Variants in XPO7 observed in about 807,000 individuals in gnomAD.
XPO7 encodes the protein exportin 7, also known as exportin-7.
A neutral mutation model predicts 144.3 loss-of-function variants in XPO7; 21 were observed. That is an observed-to-expected ratio of 0.15 (90% CI 0.10 to 0.21). XPO7 has a LOEUF of 0.21. XPO7 is among the 10% of genes least tolerant of loss of function. The pLI is 1.00. For synonymous variants in XPO7, 580 were observed against 499.6 expected (o/e 1.16, Z -2.15); for missense variants, 808 against 1,325.8 (o/e 0.61, Z 6.06).
At chr8:21,988,873 G>A (rs1248960115) in intron 15 of XPO7, 130 bp from the exon 16 acceptor site, 2 of 717,892 alleles carry the variant, frequency 2.8e-6, no homozygotes, top group Non-Finnish European at 4.6e-6. Flanking sequence ...TTTTGTGGTC[G>A]TGATGTCTGT....
chr8:21,981,640 C>G, intron 9 of XPO7, 91 bp from the exon 10 acceptor site: 1 of 1,493,168 alleles, frequency 6.7e-7, no homozygotes, highest in Non-Finnish European at 9.2e-7. Flanking sequence ...GTAGATTCTA[C>G]CCCTTCCCCC....
intron 12 of XPO7, 138 bp from the exon 13 acceptor site, chr8:21,985,448 A>G: frequency 1.3e-6 from 1 of 785,890 alleles, no homozygotes; most frequent in Non-Finnish European, 2.1e-6. Flanking sequence ...ACCAAAGCAG[A>G]GAAGTAGCCA....
intron 1 of XPO7, among the ~76,000 whole-genome samples, chr8:21,959,589 A>T (rs1474279041): frequency 6.6e-6 from 1 of 152,148 alleles, no homozygotes; most frequent in South Asian, 2.1e-4. Flanking sequence ...CTACACTACA[A>T]TCACAAGGAT....
intron 1 of XPO7, among the ~76,000 whole-genome samples, chr8:21,926,778 A>C (rs1810472712): frequency 6.6e-6 from 1 of 152,146 alleles, no homozygotes; most frequent in African/African-American, 2.4e-5. Context: ...TCAGTTGAAA[A>C]AAAATCTAAA....
rs772680656 is a variant in XPO7, at chr8:21,994,458, T to G, written c.2237+7T>G. The G allele has an allele frequency of 2.5e-6, 4 of 1,608,082 alleles. No individual in the cohort carries two copies. In the African/African-American group the frequency reaches 5.3e-5, roughly 21 times the overall value. ...TGATGCTCTTTGAATGGATGTATCC[T>G]AACTCAAACTAGGAGCACACTACAG... On this transcript the variant is annotated splice_region_variant and intron_variant, in intron 20 of 27. Coordinates refer to ENST00000252512, the MANE Select transcript of XPO7 (RefSeq NM_015024.5).
chr8:21,928,929 A>T (rs62492074), intron 1 of XPO7, among the ~76,000 whole-genome samples: 20,977 of 152,208 alleles, frequency 0.14, 1,629 homozygotes, highest in African/African-American at 0.19. Context: ...TTTTGGCCTA[A>T]AATATTTACT....
chr8:21,969,503 G>C lies in XPO7; in HGVS notation c.186G>C (p.Leu62=). The change falls in exon 3 of 28, where the codon CTG becomes CTC. Residue 62 remains leucine, a synonymous_variant. Coordinates refer to ENST00000252512, the MANE Select transcript of XPO7 (RefSeq NM_015024.5). ...CACAGTCCTCTTACTCCCAGTTACT[G>C]GCAGCTACATGCCTTACCAAGCTTG... is the stretch of plus-strand genomic sequence containing the variant. ...ERGSSSYSQL[L]AATCLTKLVS... is the part of the protein sequence containing the mutation. 6.2e-7 allele frequency: 1 copy of C among 1,613,594 alleles called. No individual in the cohort carries two copies. Among genetic ancestry groups the C allele is most frequent in the African/African-American group, 1.3e-5 (1 of 74,986 alleles).
intron 1 of XPO7, among the ~76,000 whole-genome samples, chr8:21,936,559 G>A (rs1810828748): frequency 6.6e-6 from 1 of 152,170 alleles, no homozygotes; most frequent in African/African-American, 2.4e-5. Flanking sequence ...AATTTCCTAA[G>A]TATTTTTTTG....
chr8:21,996,675 AAT>A, intron 21 of XPO7, among the ~76,000 whole-genome samples: 1 of 152,330 alleles, frequency 6.6e-6, no homozygotes, highest in East Asian at 1.9e-4. Context: ...TTTTCAAAAC[AAT>A]TTAAGGACAG....
At chr8:21,927,867 T>C (rs905272345) in intron 1 of XPO7, among the ~76,000 whole-genome samples, 2 of 152,160 alleles carry the variant, frequency 1.3e-5, no homozygotes, top group Non-Finnish European at 2.9e-5. Context: ...TATCTATTCC[T>C]CCCATACCCG....
intron 1 of XPO7, among the ~76,000 whole-genome samples, chr8:21,947,549 A>G (rs1281186052): frequency 1.3e-5 from 2 of 152,196 alleles, no homozygotes; most frequent in African/African-American, 4.8e-5. Flanking sequence ...ACATAGACAC[A>G]CATCATACAC....
chr8:21,927,083 C>CA (rs1283684586), intron 1 of XPO7, among the ~76,000 whole-genome samples: 1 of 152,112 alleles, frequency 6.6e-6, no homozygotes, highest in African/African-American at 2.4e-5. Context: ...ACCTGAGCAA[C>CA]AGGGAGTATT....
rs1360312344 is a variant in XPO7, at chr8:21,976,485, C to G, written c.727C>G (p.Leu243Val). 26 of 1,613,776 alleles carry G rather than the reference C, an allele frequency of 1.6e-5. No homozygotes were observed. Among genetic ancestry groups the G allele is most frequent in the Non-Finnish European group, 2.2e-5 (26 of 1,179,808 alleles). The part of the protein sequence containing the change: ...GTSTDESSDD[L>V]CTVQIPTSWR... ...TTCCACTGATGAGTCCTCAGACGAC[C>G]TGTGTACAGTGCAGATTCCCACCAG... Residue 243 changes from leucine (L) to valine (V), a missense_variant, in exon 7 of 28, where the codon CTG becomes GTG. Coordinates refer to ENST00000252512, the MANE Select transcript of XPO7 (RefSeq NM_015024.5).
At chr8:21,924,794 T>G (rs977041377) in intron 1 of XPO7, among the ~76,000 whole-genome samples, 3 of 152,228 alleles carry the variant, frequency 2.0e-5, no homozygotes, top group Non-Finnish European at 2.9e-5. Flanking sequence ...TTGACTTATT[T>G]GAAAAGCAAG....
chr8:21,950,210 G>A lies in XPO7; in HGVS notation c.19-16647G>A, dbSNP rs182877603. On this transcript the variant is annotated intron_variant, in intron 1 of 27. Coordinates refer to ENST00000252512, the MANE Select transcript of XPO7 (RefSeq NM_015024.5). ...CTGAAGAGAGTGTGGGTAGTTGTAA[G>A]GACTTTGCTTTAAACCTAATCACCA... 2.9e-3 allele frequency among the ~76,000 whole-genome samples: 447 copies of A among 152,300 alleles called. 2 individuals carry two copies. Among genetic ancestry groups the A allele is most frequent in the Non-Finnish European group, 4.9e-3 (336 of 68,032 alleles).
intron 1 of XPO7, among the ~76,000 whole-genome samples, chr8:21,927,598 T>G (rs1352291281): frequency 3.4e-5 from 5 of 146,022 alleles, no homozygotes; most frequent in African/African-American, 1.3e-4. Context: ...CAGGCTGGAG[T>G]GCAGTGGCGC....
intron 20 of XPO7, among the ~76,000 whole-genome samples, chr8:21,995,207 C>T (rs1227839129): frequency 6.6e-6 from 1 of 152,004 alleles, no homozygotes; most frequent in East Asian, 1.9e-4. Context: ...CCATATAATA[C>T]CATAGAAGTG....
At chr8:21,983,899 C>G (rs1462699089) in intron 11 of XPO7, among the ~76,000 whole-genome samples, 1 of 152,130 alleles carries the variant, frequency 6.6e-6, no homozygotes, top group Admixed American at 6.5e-5. Context: ...AGTGTAACAA[C>G]AGAAGAGCTC....
intron 1 of XPO7, among the ~76,000 whole-genome samples, chr8:21,942,458 A>T (rs1811023958): frequency 6.6e-6 from 1 of 152,194 alleles, no homozygotes; most frequent in Non-Finnish European, 1.5e-5. Flanking sequence ...TTGTTTTATA[A>T]TTTTTTGTGA....
Sources: gnomAD v4.1 joint callset for allele counts (sites outside exome capture counted in the v4.1 genomes callset) on GRCh38, gnomAD v4.1.1 for gene constraint, MANE v1.5 for transcripts, NCBI Gene and HGNC (gene_info 2026-07-23, HGNC 2026-07-21) for gene names.